The following CREBBP variants were observed in gnomAD, a reference collection of about 807,000 sequenced individuals.
CREBBP encodes the protein CREB-binding protein.
A neutral mutation model predicts 265.0 loss-of-function variants in CREBBP; 19 were observed. The ratio of observed to expected loss-of-function variants is 0.07; its 90% confidence interval spans 0.05 to 0.11. The LOEUF is 0.11. Among genes scored for constraint, CREBBP ranks in the 10% least tolerant of loss-of-function variants. CREBBP has a pLI of 1.00. For missense variants in CREBBP, 2,525 were observed against 3,219.0 expected (o/e 0.78, Z 5.22); for synonymous variants, 1,457 against 1,223.7 (o/e 1.19, Z -3.98).
intron 23 of CREBBP, chr16:3,741,766 C>A (rs1046096614): frequency 6.6e-6 from 1 of 151,400 alleles, no homozygotes; most frequent in African/African-American, 2.4e-5. Flanking sequence ...ATGGTGAAAC[C>A]CCCGTCTCCA....
At chr16:3,827,825 G>A (rs2054267964) in intron 2 of CREBBP, among the ~76,000 whole-genome samples, 1 of 151,866 alleles carries the variant, frequency 6.6e-6, no homozygotes, top group African/African-American at 2.4e-5. Flanking sequence ...TGAGTAGCTG[G>A]GACTATAGGC....
intron 2 of CREBBP, among the ~76,000 whole-genome samples, chr16:3,824,233 A>G (rs2054196388): frequency 6.6e-6 from 1 of 152,272 alleles, no homozygotes; most frequent in Admixed American, 6.5e-5. Flanking sequence ...AAGGCGAGCT[A>G]AATGGTAACA....
chr16:3,876,399 C>CAAAAAA (rs71133663), intron 1 of CREBBP, among the ~76,000 whole-genome samples: 17 of 18,136 alleles, frequency 9.4e-4, no homozygotes, highest in East Asian at 3.8e-3. Context: ...TAAAGCTGAC[C>CAAAAAA]AAAAAAAAAA....
At chr16:3,747,744 C>T (rs560831510) in intron 21 of CREBBP, among the ~76,000 whole-genome samples, 4 of 152,070 alleles carry the variant, frequency 2.6e-5, no homozygotes, top group East Asian at 3.9e-4. Context: ...GGGTGGATCA[C>T]GAGGTCAGGA....
intron 1 of CREBBP, 142 bp downstream of exon 1, chr16:3,879,690 G>A (rs529202527): frequency 9.9e-6 from 9 of 913,090 alleles, no homozygotes; most frequent in Non-Finnish European, 1.6e-5. Context: ...ACCCTCCCGC[G>A]CGGGGCGAGG....
chr16:3,872,032 T>G (rs949614199), intron 1 of CREBBP, among the ~76,000 whole-genome samples: 3 of 152,192 alleles, frequency 2.0e-5, no homozygotes, highest in African/African-American at 7.2e-5. Flanking sequence ...GTCTTTTGAT[T>G]AATGGAAATG....
At position 3,731,690 on chromosome 16, in the gene CREBBP, C is replaced by T. The variant is rs2151318299; in HGVS notation, c.4890+86G>A. The T allele has an allele frequency of 6.3e-7, 1 of 1,584,862 alleles. No homozygotes were observed. Among genetic ancestry groups the T allele is most frequent in the East Asian group, 2.2e-5 (1 of 44,722 alleles). The stretch of plus-strand genomic sequence containing the variant: ...GGGCCACTTCCCTCCCACCACAGAC[C>T]TGCACACGGGCCCACGCCCGCCAGC... On this transcript the variant is annotated intron_variant, in intron 29 of 30. Transcript: ENST00000262367. The surrounding 1 kb of genome is among the most constrained non-coding windows in gnomAD (Gnocchi z 7.7).
intron 15 of CREBBP, among the ~76,000 whole-genome samples, chr16:3,768,805 G>A (rs1042962011): frequency 6.6e-6 from 1 of 152,150 alleles, no homozygotes; most frequent in Non-Finnish European, 1.5e-5. Flanking sequence ...TCCAGCCCAC[G>A]GTCTGCCAGC....
intron 1 of CREBBP, among the ~76,000 whole-genome samples, chr16:3,870,551 G>A (rs562915789): frequency 2.8e-4 from 43 of 152,210 alleles, no homozygotes; most frequent in African/African-American, 9.9e-4. Context: ...AAACACAGAC[G>A]GAGTAAAATG....
In CREBBP at chr16:3,731,698, G is replaced by A. The variant is rs1019884290; in HGVS notation, c.4890+78C>T. The A allele has an allele frequency of 4.6e-5, 74 of 1,594,470 alleles. No homozygotes were observed. The South Asian group carries it at 6.1e-4, about 13-fold the overall frequency. ...TCCCTCCCACCACAGACCTGCACACGGGCCCACGCCCGCCAGCTGCGAGTC... is the reference window on the plus strand; with the variant it reads ...TCCCTCCCACCACAGACCTGCACACAGGCCCACGCCCGCCAGCTGCGAGTC... On this transcript the variant is annotated intron_variant, in intron 29 of 30. Coordinates refer to ENST00000262367, the MANE Select transcript of CREBBP (RefSeq NM_004380.3). This position sits in a 1 kb window ranked among gnomAD's most constrained non-coding sequence, Gnocchi z 7.7.
At chr16:3,831,744 C>T (rs1349919122) in intron 2 of CREBBP, among the ~76,000 whole-genome samples, 1 of 152,146 alleles carries the variant, frequency 6.6e-6, no homozygotes. Flanking sequence ...CACCTATAAT[C>T]CCAGCACTTT....
At chr16:3,749,455 A>G (rs969819064) in intron 21 of CREBBP, among the ~76,000 whole-genome samples, 172 bp downstream of exon 21, 1 of 152,224 alleles carries the variant, frequency 6.6e-6, no homozygotes, top group Non-Finnish European at 1.5e-5. Flanking sequence ...AGAGACATAC[A>G]TATTTTGTTT....
rs2053511309 is a variant in CREBBP, at chr16:3,791,708, G to C, written c.1330+273C>G. ...TTGGCTCAGTGAACAAAGTGACTCTGCTGTTCCATGCTGCTTCAAGTGCAT... is the reference window on the plus strand; with the variant it reads ...TTGGCTCAGTGAACAAAGTGACTCTCCTGTTCCATGCTGCTTCAAGTGCAT... On this transcript the variant is annotated intron_variant, in intron 5 of 30. Coordinates refer to ENST00000262367, the MANE Select transcript of CREBBP (RefSeq NM_004380.3). Among the ~76,000 whole-genome samples, 4 of 152,326 alleles carry C rather than the reference G, an allele frequency of 2.6e-5. No homozygotes were observed. The South Asian group carries it at 8.3e-4, about 32-fold the overall frequency.
Position 3,727,018 on chromosome 16 carries a change from T to C in CREBBP, c.*700A>G, listed in dbSNP as rs1434222399. On this transcript the variant is annotated 3_prime_UTR_variant, in exon 31 of 31. Coordinates refer to ENST00000262367, the MANE Select transcript of CREBBP (RefSeq NM_004380.3). The stretch of plus-strand genomic sequence containing the variant: ...AAGAAGGCTTCTTCTCTAGTAACAT[T>C]AGCATGGTCTAAGAGTGATCATCCC... 4.3e-6 allele frequency: 1 copy of C among 233,616 alleles called. No individual in the cohort carries two copies. Among genetic ancestry groups the C allele is most frequent in the East Asian group, 6.0e-5 (1 of 16,584 alleles). 14.5% of individuals were successfully genotyped at this position (233,616 alleles called of 1,614,324 possible).
At chr16:3,793,294 C>G in intron 4 of CREBBP, 92 bp downstream of exon 4, 1 of 1,570,204 alleles carries the variant, frequency 6.4e-7, no homozygotes, top group Non-Finnish European at 8.7e-7. Context: ...CTCAGGCTGC[C>G]GGAGCCTTAT....
chr16:3,826,276 T>C (rs144893728), intron 2 of CREBBP, among the ~76,000 whole-genome samples: 2 of 152,208 alleles, frequency 1.3e-5, no homozygotes, highest in African/African-American at 4.8e-5. Flanking sequence ...CCTGTTAAAA[T>C]TGATTTCATT....
intron 2 of CREBBP, among the ~76,000 whole-genome samples, chr16:3,844,080 G>A (rs867335535): frequency 2.7e-4 from 40 of 146,158 alleles, no homozygotes; most frequent in African/African-American, 9.3e-4. Context: ...CCCGGGAGGC[G>A]GAGCTTGCAG....
rs2151337354 is a variant in CREBBP at position 3,739,680 on chromosome 16, G to A, written c.4178C>T (p.Thr1393Ile). ...TTCCTCAAAAGCAAACAGAGCTTTG[G>A]TTCGATATGGGAAAGATTCAGACAT... is the stretch of plus-strand genomic sequence containing the variant. ...GEMSESFPYRTKALFAFEEID... is the reference protein window; with the variant it reads ...GEMSESFPYRIKALFAFEEID... Residue 1393 changes from threonine (T) to isoleucine (I), a missense_variant, in exon 25 of 31, where the codon ACC (threonine) becomes ATC (isoleucine). Transcript: ENST00000262367. 6.2e-7 allele frequency: 1 copy of A among 1,614,202 alleles called. No individual in the cohort carries two copies. Among genetic ancestry groups the A allele is most frequent in the Non-Finnish European group, 8.5e-7 (1 of 1,180,036 alleles).
intron 3 of CREBBP, among the ~76,000 whole-genome samples, chr16:3,809,878 T>C (rs2053902104): frequency 6.6e-6 from 1 of 151,834 alleles, no homozygotes; most frequent in Non-Finnish European, 1.5e-5. Context: ...ACAAGCACAG[T>C]GGGGAGAGAT....
Sources: allele counts gnomAD v4.1 joint callset (sites outside exome capture counted in the v4.1 genomes callset), GRCh38; gene constraint gnomAD v4.1.1; non-coding constraint Gnocchi (gnomAD v3.1); transcripts MANE v1.5; gene names NCBI Gene and HGNC (gene_info 2026-07-23, HGNC 2026-07-21).